Variants in TMEM156 observed in about 807,000 individuals in gnomAD.
TMEM156 encodes transmembrane protein 156.
TMEM156 carries 28 observed loss-of-function variants against 30.5 expected under a neutral mutation model. The observed-to-expected ratio is 0.92, with a 90% CI of 0.68 to 1.26. TMEM156 has a LOEUF of 1.26. Among genes scored for constraint, TMEM156 ranks in the 50% most tolerant of loss-of-function variants. The pLI is 0.00. For synonymous variants in TMEM156, 137 were observed against 119.9 expected, an observed-to-expected ratio of 1.14 and a Z score of -0.93; for missense variants, 351 against 340.6, an observed-to-expected ratio of 1.03 and a Z score of -0.24.
At chr4:39,007,741 G>A (rs1713840338) in intron 1 of TMEM156, among the ~76,000 whole-genome samples, 1 of 152,182 alleles carries the variant, frequency 6.6e-6, no homozygotes, top group African/African-American at 2.4e-5. Context: ...ACAGGCATGA[G>A]CCACTGCACC....
At chr4:38,972,054 G>A (rs1223392075) in intron 5 of TMEM156, among the ~76,000 whole-genome samples, 10 of 152,004 alleles carry the variant, frequency 6.6e-5, no homozygotes, top group Non-Finnish European at 1.0e-4. Context: ...CTCCCAAAGT[G>A]CTGGGATTAC....
intron 2 of TMEM156, among the ~76,000 whole-genome samples, chr4:38,994,676 C>T (rs753193557): frequency 8.5e-5 from 13 of 152,178 alleles, no homozygotes; most frequent in South Asian, 2.1e-4. Flanking sequence ...GGGCCAAGCA[C>T]GGCGATCCTG....
chr4:39,009,197 G>A (rs563596368), intron 1 of TMEM156, among the ~76,000 whole-genome samples: 40 of 152,042 alleles, frequency 2.6e-4, no homozygotes, highest in Admixed American at 1.5e-3. Context: ...ACTGAACCAG[G>A]AAGGAACAGA....
intron 3 of TMEM156, among the ~76,000 whole-genome samples, chr4:38,992,611 G>A (rs544478119): frequency 1.0e-4 from 15 of 146,744 alleles, no homozygotes; most frequent in African/African-American, 3.8e-4. Context: ...CTCCAAGAGA[G>A]AACATGTTAA....
Position 38,966,821 on chromosome 4 carries a change from T to TTG in TMEM156, c.*858_*859insCA, listed in dbSNP as rs397879320. 1.2e-4 allele frequency: 17 copies of TTG among 145,676 alleles called. No homozygotes were observed. The highest frequency in any genetic ancestry group is 4.3e-4 in the African/African-American group (16 of 37,632). The allele number at this position is 145,676 out of a possible 1,614,324, so 9.0% of individuals were successfully genotyped here. A position where few individuals can be genotyped will look rare whatever the true frequency, so the allele number is the denominator to read the frequency against. ...TTTGATTTTTTTTTTTTTTTTTTTT[T>TTG]GAGACAGAGTCTTGCTCTGCACCAG... On this transcript the variant is annotated 3_prime_UTR_variant, in exon 7 of 7. Transcript: ENST00000381938.
chr4:38,968,523 G>A (rs1024206114), intron 6 of TMEM156, among the ~76,000 whole-genome samples: 11 of 152,150 alleles, frequency 7.2e-5, no homozygotes, highest in African/African-American at 2.7e-4. Flanking sequence ...ACATACAGTA[G>A]GTGGTCAAAA....
rs1468948686 is a variant in TMEM156 at position 38,993,853 on chromosome 4, T to C, written c.504A>G (p.Ser168=). 3.1e-6 allele frequency: 5 copies of C among 1,613,992 alleles called. No homozygotes were observed. The African/African-American group carries it at 6.7e-5, about 22-fold the overall frequency. Residue 168 remains serine, a synonymous_variant, in exon 3 of 7, where the codon TCA becomes TCG. Transcript: ENST00000381938. ...TGCTTGGCTCATCCTCCATGATTGT[T>C]GATCTTCCAGTGTGGTTTTTTAGAT... ...TCHLKNHTGR[S]TIMEDEPSKE...
chr4:38,986,618 C>A (rs190037129), intron 4 of TMEM156, among the ~76,000 whole-genome samples, 199 bp from the exon 5 acceptor site: 1 of 151,502 alleles, frequency 6.6e-6, no homozygotes, highest in South Asian at 2.1e-4. Flanking sequence ...CCCAGCCTGG[C>A]CAATATGGTG....
chr4:38,988,645 T>C (rs62294540), intron 4 of TMEM156, among the ~76,000 whole-genome samples: 67,984 of 151,880 alleles, frequency 0.45, 16,261 homozygotes, highest in East Asian at 0.65. Context: ...GTCTTTCTTC[T>C]TCTCTTACTT....
At chr4:39,027,758 C>CTTTTTTTTTTTTT (rs112766367) in intron 1 of TMEM156, among the ~76,000 whole-genome samples, 1 of 120,794 alleles carries the variant, frequency 8.3e-6, no homozygotes, top group Non-Finnish European at 1.7e-5. Context: ...TTTTCTTTTT[C>CTTTTTTTTTTTTT]TTTTTTTTTT....
intron 5 of TMEM156, among the ~76,000 whole-genome samples, chr4:38,980,529 A>T (rs1301137134): frequency 1.3e-5 from 2 of 152,234 alleles, no homozygotes; most frequent in Non-Finnish European, 2.9e-5. Flanking sequence ...GTATCATCAG[A>T]TAGTGTCCTT....
chr4:39,017,586 T>C (rs1259330940), intron 1 of TMEM156, among the ~76,000 whole-genome samples: 1 of 152,206 alleles, frequency 6.6e-6, no homozygotes, highest in East Asian at 1.9e-4. Flanking sequence ...GTTTGAATTG[T>C]CTATATTCCT....
At chr4:39,019,334 A>T (rs1714711902) in intron 1 of TMEM156, among the ~76,000 whole-genome samples, 1 of 152,084 alleles carries the variant, frequency 6.6e-6, no homozygotes, top group Non-Finnish European at 1.5e-5. Flanking sequence ...GTTGCATCTA[A>T]TCTGTTCATT....
chr4:38,981,692 GA>G (rs1399897829), intron 5 of TMEM156, among the ~76,000 whole-genome samples: 10 of 151,566 alleles, frequency 6.6e-5, no homozygotes, highest in Non-Finnish European at 1.0e-4. Context: ...TTCTCATCAG[GA>G]AAAAAAACGG....
intron 3 of TMEM156, among the ~76,000 whole-genome samples, chr4:38,990,225 A>T (rs574496847): frequency 6.6e-6 from 1 of 152,358 alleles, no homozygotes; most frequent in South Asian, 2.1e-4. Context: ...TGTGGGGTTC[A>T]TAACCTGGGT....
At chr4:39,021,068 G>T (rs1305821526) in intron 1 of TMEM156, among the ~76,000 whole-genome samples, 2 of 152,150 alleles carry the variant, frequency 1.3e-5, no homozygotes, top group Non-Finnish European at 2.9e-5. Flanking sequence ...GCGATGTTGA[G>T]AATTTTTTCA....
intron 5 of TMEM156, among the ~76,000 whole-genome samples, chr4:38,985,995 G>A (rs1274959973): frequency 2.0e-5 from 3 of 152,182 alleles, no homozygotes; most frequent in Non-Finnish European, 2.9e-5. Context: ...TGCCCACTCT[G>A]CAATTACTTC....
Position 38,990,482 on chromosome 4 carries a change from T to C in TMEM156, c.620-1512A>G, listed in dbSNP as rs549586319. ...GATGGGTCCAAAGACCAAGGTGTCA[T>C]TGGGCACTGATAAAGCTATGGAAAC... On this transcript the variant is annotated intron_variant, in intron 3 of 6. Coordinates refer to ENST00000381938, the MANE Select transcript of TMEM156 (RefSeq NM_024943.3). Among the ~76,000 whole-genome samples, 17 of 152,268 alleles carry C rather than the reference T, an allele frequency of 1.1e-4. No homozygotes were observed. In the South Asian group the frequency reaches 2.3e-3, roughly 20 times the overall value.
chr4:38,977,438 C>A (rs980039890), intron 5 of TMEM156, among the ~76,000 whole-genome samples: 1 of 152,140 alleles, frequency 6.6e-6, no homozygotes, highest in Non-Finnish European at 1.5e-5. Context: ...TCTTCAGTTT[C>A]TTTCAGTATC....
Sources: gnomAD v4.1 joint callset for allele counts (sites outside exome capture counted in the v4.1 genomes callset) on GRCh38, gnomAD v4.1.1 for gene constraint, MANE v1.5 for transcripts, NCBI Gene and HGNC (gene_info 2026-07-23, HGNC 2026-07-21) for gene names.